Variants in IGFN1 observed in about 807,000 individuals in gnomAD.
IGFN1 encodes the protein immunoglobulin-like and fibronectin type III domain-containing protein 1.
A neutral mutation model predicts 289.5 loss-of-function variants in IGFN1; 253 were observed. The ratio of observed to expected loss-of-function variants is 0.87; its 90% CI spans 0.79 to 0.97. IGFN1 has a LOEUF of 0.97. Among genes scored for constraint, IGFN1 ranks in the 50% least tolerant of loss-of-function variants. The pLI is 0.00. For synonymous variants in IGFN1, 1,706 were observed against 1,788.5 expected (o/e 0.95, Z 1.16); for missense variants, 4,470 against 4,686.1 (o/e 0.95, Z 1.35).
intron 18 of IGFN1, among the ~76,000 whole-genome samples, chr1:201,219,750 A>C (rs1330121342): frequency 1.3e-5 from 2 of 152,230 alleles, no homozygotes; most frequent in Non-Finnish European, 2.9e-5. Flanking sequence ...GAATGAACCC[A>C]ACAAGACCGA....
intron 22 of IGFN1, 112 bp from the exon 23 acceptor site, chr1:201,226,770 A>G (rs895235236): frequency 2.5e-6 from 2 of 805,276 alleles, no homozygotes; most frequent in Non-Finnish European, 4.0e-6. Context: ...GTGGCAGGAA[A>G]TCCCAGATAA....
In IGFN1 at chr1:201,200,229, C is replaced by A. The variant is rs41269931; in HGVS notation, c.459-8C>A. Reference sequence around the variant, plus strand: ...TCTGGCCTCTGACCTGCTAGCCTTGCTCCCCAGGGCCCCACCAGCCCCCAA... The same window carrying A: ...TCTGGCCTCTGACCTGCTAGCCTTGATCCCCAGGGCCCCACCAGCCCCCAA... On this transcript the variant is annotated splice_region_variant and splice_polypyrimidine_tract_variant and intron_variant, in intron 7 of 23. Coordinates refer to ENST00000335211, the MANE Select transcript of IGFN1 (RefSeq NM_001164586.2). 639 of 1,550,008 alleles carry A rather than the reference C, an allele frequency of 4.1e-4. No homozygotes were observed. Among genetic ancestry groups the A allele is most frequent in the Middle Eastern group, 5.0e-4 (3 of 5,984 alleles).
chr1:201,199,231 G>A (rs1667046124), intron 5 of IGFN1, 103 bp from the exon 6 acceptor site: 2 of 981,348 alleles, frequency 2.0e-6, no homozygotes, highest in Non-Finnish European at 3.2e-6. Flanking sequence ...GGGAGAGCAG[G>A]GCTCTGGGAC....
At chr1:201,191,094 A>G (rs1269579748) in intron 1 of IGFN1, among the ~76,000 whole-genome samples, 187 bp downstream of exon 1, 1 of 152,200 alleles carries the variant, frequency 6.6e-6, no homozygotes, top group Non-Finnish European at 1.5e-5. Context: ...AGGTTACTCC[A>G]GGATATCTGG....
rs756430432 is a variant in IGFN1 at position 201,217,453 on chromosome 1, G to T, written c.9762G>T (p.Pro3254=). The T allele has an allele frequency of 1.9e-5, 31 of 1,613,922 alleles. No individual in the cohort carries two copies. In the Admixed American group the frequency reaches 4.7e-4, roughly 24 times the overall value. ...SNTWTAVNDQ[P]VPERRWTVAD... is the part of the protein sequence containing the mutation. ...CCTGGACGGCAGTGAACGACCAGCC[G>T]GTGCCTGGTGAGCATTGTCCTGGCT... The change falls in exon 17 of 24, where the codon CCG becomes CCT. Residue 3254 remains proline (P), a synonymous_variant. Transcript: ENST00000335211.
At chr1:201,228,059 G>A (rs953571690) in intron 23 of IGFN1, among the ~76,000 whole-genome samples, 1 of 152,146 alleles carries the variant, frequency 6.6e-6, no homozygotes, top group Non-Finnish European at 1.5e-5. Flanking sequence ...GTGGAAAAAC[G>A]GCCCCTTTGC....
intron 21 of IGFN1, among the ~76,000 whole-genome samples, chr1:201,225,221 A>G (rs1049644053): frequency 2.0e-5 from 3 of 152,200 alleles, no homozygotes; most frequent in African/African-American, 7.2e-5. Flanking sequence ...GCCGTTGCAC[A>G]GGATAAAGGC....
In IGFN1 at chr1:201,206,109, A is replaced by ACC; in HGVS notation, c.1217_1218insCC (p.Ser407GlnfsTer52). 1 of 1,550,742 alleles carries ACC rather than the reference A, an allele frequency of 6.4e-7. No individual in the cohort carries two copies. The highest frequency in any genetic ancestry group is 8.7e-7 in the Non-Finnish European group (1 of 1,146,854). ...TGGGAAGGATAAAGACCTTCAGTCC[A>ACC]CAAGTGCTGACCACAAACTGCAGAG... On this transcript the variant is annotated frameshift_variant, in exon 12 of 24. Transcript: ENST00000335211. LOFTEE classifies it high-confidence loss of function.
intron 18 of IGFN1, among the ~76,000 whole-genome samples, chr1:201,218,900 T>C (rs1025949565): frequency 4.6e-5 from 7 of 151,860 alleles, no homozygotes; most frequent in Non-Finnish European, 7.4e-5. Flanking sequence ...CCCTGCCAAG[T>C]AATGGTTCAT....
chr1:201,207,848 C>G lies in IGFN1; in HGVS notation c.2955C>G (p.Ser985=), dbSNP rs925750601. 6.5e-7 allele frequency: 1 copy of G among 1,535,600 alleles called. No individual in the cohort carries two copies. The highest frequency in any genetic ancestry group is 8.7e-7 in the Non-Finnish European group (1 of 1,146,044). ...YGSGVPGEMG[S]GHGAGCRVSP... ...CAGGGGTTCCAGGAGAAATGGGGTC[C>G]GGCCATGGTGCTGGTTGTAGAGTTT... Residue 985 remains serine, a synonymous_variant, in exon 12 of 24, where the codon TCC becomes TCG. Transcript: ENST00000335211.
chr1:201,201,349 A>T (rs1437435218), intron 8 of IGFN1, among the ~76,000 whole-genome samples: 1 of 152,194 alleles, frequency 6.6e-6, no homozygotes, highest in African/African-American at 2.4e-5. Flanking sequence ...CTTAAACCTA[A>T]CACCTAGGGT....
chr1:201,216,062 T>C (rs1260072745), intron 15 of IGFN1: 2 of 715,756 alleles, frequency 2.8e-6, no homozygotes, highest in African/African-American at 3.5e-5. Flanking sequence ...GAGCCGGTTA[T>C]GCTTCTCTGA....
At chr1:201,223,006 C>T in intron 20 of IGFN1, 179 bp downstream of exon 20, 1 of 483,066 alleles carries the variant, frequency 2.1e-6, no homozygotes, top group East Asian at 3.3e-5. Context: ...GGATTCAGGT[C>T]CTCCTTGAAG....
chr1:201,214,037 C>T (rs1667969422), intron 12 of IGFN1, 140 bp from the exon 13 acceptor site: 1 of 838,668 alleles, frequency 1.2e-6, no homozygotes, highest in Non-Finnish European at 1.8e-6. Context: ...GCATTGGAGC[C>T]AAGATAGCAT....
In IGFN1 at chr1:201,216,712, G is replaced by T. The variant is rs139844021; in HGVS notation, c.9554G>T (p.Gly3185Val). Residue 3185 changes from glycine (G) to valine (V), a missense_variant, in exon 16 of 24, where the codon GGC becomes GTC. By Grantham distance (109) the Gly-to-Val change is moderately radical. Around this residue, in one of 8 missense-constraint regions of IGFN1, gnomAD observed 2,218 missense variants for 2,114.1 expected, o/e 1.05. Coordinates refer to ENST00000335211, the MANE Select transcript of IGFN1 (RefSeq NM_001164586.2). The part of the protein sequence containing the change: ...RVRAVTSEGA[G>V]EALESEEILV... ...CGGGCTGTGACCTCAGAGGGGGCTG[G>T]CGAGGCCCTGGAGTCTGAGGAGATA... 1 of 1,613,536 alleles carries T rather than the reference G, an allele frequency of 6.2e-7. No individual in the cohort carries two copies.
At chr1:201,223,936 C>CA (rs1259824342) in intron 20 of IGFN1, among the ~76,000 whole-genome samples, 5 of 152,154 alleles carry the variant, frequency 3.3e-5, no homozygotes, top group Non-Finnish European at 7.4e-5. Flanking sequence ...ATAATGATGG[C>CA]AAAAATATTT....
At chr1:201,202,001 G>A (rs1475226985) in intron 9 of IGFN1, among the ~76,000 whole-genome samples, 169 bp downstream of exon 9, 2 of 152,162 alleles carry the variant, frequency 1.3e-5, no homozygotes, top group East Asian at 3.9e-4. Flanking sequence ...AAACCCTGGT[G>A]TAGACCATCC....
chr1:201,216,504 G>T lies in IGFN1; in HGVS notation c.9346G>T (p.Ala3116Ser). 3 of 1,608,352 alleles carry T rather than the reference G, an allele frequency of 1.9e-6. No homozygotes were observed. The highest frequency in any genetic ancestry group is 2.5e-6 in the Non-Finnish European group (3 of 1,177,104). Reference sequence around the variant, plus strand: ...CATGGAGGTTCAGGATTGCCATAGGGCTGGCGTCTGCCTCCGCTGGCGGCC... The same window carrying T: ...CATGGAGGTTCAGGATTGCCATAGGTCTGGCGTCTGCCTCCGCTGGCGGCC... The part of the protein sequence containing the change: ...GPMEVQDCHR[A>S]GVCLRWRPPR... The change falls in exon 16 of 24, where the codon GCT becomes TCT. Residue 3116 changes from alanine (A) to serine (S), a missense_variant. This residue lies in a region of IGFN1 where 2,218 missense variants were observed against 2,114.1 expected (regional missense o/e 1.05). Transcript: ENST00000335211.
chr1:201,215,908 G>A (rs1571479893), intron 15 of IGFN1, 70 bp downstream of exon 15: 2 of 1,424,070 alleles, frequency 1.4e-6, no homozygotes, highest in Non-Finnish European at 2.0e-6. Flanking sequence ...CTGCCATCAA[G>A]GGCAGGCCTG....
Sources: gnomAD v4.1 joint callset for allele counts (sites outside exome capture counted in the v4.1 genomes callset) on GRCh38, gnomAD v4.1.1 for gene constraint, gnomAD v4.1.1 regional missense constraint, MANE v1.5 for transcripts, NCBI Gene and HGNC (gene_info 2026-07-23, HGNC 2026-07-21) for gene names.